Variants in SEMA4D observed in about 807,000 individuals in gnomAD.
The protein encoded by SEMA4D is semaphorin-4D.
In SEMA4D, 22 loss-of-function variants were observed where a neutral mutation model predicts 74.8. The ratio of observed to expected loss-of-function variants is 0.29; its 90% confidence interval spans 0.21 to 0.42. The LOEUF (loss-of-function observed/expected upper bound fraction) is 0.42. Ranked by LOEUF, SEMA4D falls within the 10% of genes least tolerant of loss-of-function variation. SEMA4D has a pLI of 1.00. For synonymous variants in SEMA4D, 445 were observed against 463.7 expected (o/e 0.96, Z 0.52); for missense variants, 937 against 1,118.4 (o/e 0.84, Z 2.31).
chr9:89,450,875 C>T (rs546644687), intron 2 of SEMA4D: 6 of 483,844 alleles, frequency 1.2e-5, no homozygotes, highest in African/African-American at 2.0e-5. Flanking sequence ...GTGTCCCTGC[C>T]GCCACCCCAG....
chr9:89,389,180 G>GTCTCCTGTTGCCC, intron 9 of SEMA4D, 133 bp from the exon 10 acceptor site: 1 of 843,024 alleles, frequency 1.2e-6, no homozygotes, highest in Non-Finnish European at 1.9e-6. Flanking sequence ...TCGGGCAACA[G>GTCTCCTGTTGCCC]GAGACAGATG....
intron 3 of SEMA4D, 54 bp from the exon 4 acceptor site, chr9:89,403,070 C>A: frequency 1.9e-6 from 3 of 1,579,540 alleles, no homozygotes; most frequent in Non-Finnish European, 1.7e-6. Context: ...GCGATGGAAG[C>A]ATTTTTAAAC....
At position 89,378,854 on chromosome 9, in the gene SEMA4D, G is replaced by T; in HGVS notation, c.2439C>A (p.Thr813=). 6.2e-7 allele frequency: 1 copy of T among 1,614,172 alleles called. No individual in the cohort carries two copies. The change falls in exon 16 of 16, where the codon ACC becomes ACA. Residue 813 remains threonine, a synonymous_variant. Transcript: ENST00000422704. ...TGGTGTCTTGCTCGGTCTCATAGCC[G>T]GTGTCCAGGGCTGGCTTGGGGTGCT... The part of the protein sequence containing the change: ...NGEHPKPALD[T]GYETEQDTIT...
At chr9:89,474,614 C>G (rs1157415929) in intron 1 of SEMA4D, among the ~76,000 whole-genome samples, 2 of 152,198 alleles carry the variant, frequency 1.3e-5, no homozygotes, top group African/African-American at 2.4e-5. Context: ...TTATCGTTTT[C>G]AAGCCCACCC....
chr9:89,378,960 G>C lies in SEMA4D; in HGVS notation c.2333C>G (p.Pro778Arg). ...RSALLIGKKK[P>R]KSDFCDREQS... The stretch of plus-strand genomic sequence containing the variant: ...CTCACGGTCACAGAAATCTGACTTG[G>C]GCTTCTTCTTCCCAATTAGTAGGGC... Residue 778 changes from proline (P) to arginine (R), a missense_variant, in exon 16 of 16, where the codon CCC becomes CGC. Coordinates refer to ENST00000422704, the MANE Select transcript of SEMA4D (RefSeq NM_001371194.2). 6.2e-7 allele frequency: 1 copy of C among 1,614,110 alleles called. No homozygotes were observed. Among genetic ancestry groups the C allele is most frequent in the Non-Finnish European group, 8.5e-7 (1 of 1,180,004 alleles).
chr9:89,364,444 C>G, intron 16 of SEMA4D: 1 of 221,948 alleles, frequency 4.5e-6, no homozygotes, highest in Non-Finnish European at 9.2e-6. Flanking sequence ...GAGGGCCTGT[C>G]TCTCCAATTG....
intron 1 of SEMA4D, among the ~76,000 whole-genome samples, chr9:89,468,799 C>T (rs572162471): frequency 6.6e-6 from 1 of 152,196 alleles, no homozygotes; most frequent in African/African-American, 2.4e-5. Flanking sequence ...CAATCTGAAA[C>T]TTCTAGAGAC....
At chr9:89,369,980 GGT>G (rs750571039) in intron 16 of SEMA4D, among the ~76,000 whole-genome samples, 3 of 151,852 alleles carry the variant, frequency 2.0e-5, no homozygotes, top group African/African-American at 2.4e-5. Flanking sequence ...TATGTGTGGT[GGT>G]GTGTGTGTAA....
chr9:89,449,778 A>C, intron 2 of SEMA4D: 2 of 1,509,092 alleles, frequency 1.3e-6, no homozygotes, highest in East Asian at 4.5e-5. Flanking sequence ...GAAGAAACGT[A>C]TTGCTTTTCC....
intron 2 of SEMA4D, chr9:89,450,592 C>G: frequency 3.5e-6 from 3 of 854,018 alleles, no homozygotes; most frequent in East Asian, 3.1e-5. Flanking sequence ...CTCTATAAGT[C>G]TGAGATGAAG....
intron 2 of SEMA4D, chr9:89,449,602 C>T: frequency 2.0e-6 from 2 of 979,778 alleles, no homozygotes; most frequent in South Asian, 1.3e-5. Context: ...TCGCCGAGGA[C>T]CTGGTCGTGA....
At chr9:89,385,007 C>G in intron 13 of SEMA4D, 2 of 985,352 alleles carry the variant, frequency 2.0e-6, no homozygotes, top group Non-Finnish European at 2.4e-6. Context: ...ACAGGCGGGT[C>G]GGGTGGTCCA....
chr9:89,453,856 T>C (rs971558426), intron 2 of SEMA4D, among the ~76,000 whole-genome samples: 4 of 121,414 alleles, frequency 3.3e-5, no homozygotes, highest in African/African-American at 1.1e-4. Flanking sequence ...AGAATATATG[T>C]CTTTTTTTTT....
At chr9:89,396,917 CAG>C in intron 5 of SEMA4D, 82 bp from the exon 6 acceptor site, 6 of 1,269,732 alleles carry the variant, frequency 4.7e-6, no homozygotes, top group African/African-American at 1.5e-5. Flanking sequence ...CCGTTCATCT[CAG>C]GGGCACAGAC....
At chr9:89,450,686 A>AAAAAAAAAAAAAAAC in intron 2 of SEMA4D, 8 of 945,092 alleles carry the variant, frequency 8.5e-6, no homozygotes, top group East Asian at 2.6e-5. Flanking sequence ...AAAAAAAAAA[A>AAAAAAAAAAAAAAAC]AGGCCTCCAA....
chr9:89,405,983 CA>C, intron 2 of SEMA4D: 7 of 1,076,900 alleles, frequency 6.5e-6, no homozygotes, highest in Non-Finnish European at 7.9e-6. Context: ...ACCCGGCAGA[CA>C]CACATGGCCG....
intron 1 of SEMA4D, among the ~76,000 whole-genome samples, chr9:89,458,469 TAA>T (rs2135600662): frequency 6.6e-6 from 1 of 152,196 alleles, no homozygotes; most frequent in Admixed American, 6.5e-5. Context: ...TGGGCCCACC[TAA>T]AAGACTGCCT....
intron 1 of SEMA4D, among the ~76,000 whole-genome samples, chr9:89,485,661 G>T (rs987919529): frequency 1.3e-5 from 2 of 151,952 alleles, no homozygotes; most frequent in South Asian, 2.1e-4. Context: ...GGTGGCGCAT[G>T]CCTGTAATCC....
At chr9:89,459,236 TC>T (rs1180900974) in intron 1 of SEMA4D, among the ~76,000 whole-genome samples, 1 of 149,864 alleles carries the variant, frequency 6.7e-6, no homozygotes, top group African/African-American at 2.4e-5. Flanking sequence ...GGAGCCCCAG[TC>T]CGGTAGTGCT....
Sources: gnomAD v4.1 joint callset for allele counts (sites outside exome capture counted in the v4.1 genomes callset) on GRCh38, gnomAD v4.1.1 for gene constraint, MANE v1.5 for transcripts, NCBI Gene and HGNC (gene_info 2026-07-23, HGNC 2026-07-21) for gene names.